The following SAMD4B variants were observed in gnomAD, a reference collection of about 807,000 sequenced individuals.
SAMD4B encodes sterile alpha motif domain containing 4B.
In SAMD4B, 5 loss-of-function variants were observed where a neutral mutation model predicts 74.5. The observed-to-expected ratio is 0.07, with a 90% confidence interval of 0.04 to 0.14. The LOEUF is 0.14. Ranked by LOEUF, SAMD4B falls within the 10% of genes least tolerant of loss-of-function variation. SAMD4B has a pLI of 1.00. For missense variants in SAMD4B, 608 were observed against 921.8 expected, an observed-to-expected ratio of 0.66 and a Z score of 4.41; for synonymous variants, 373 against 374.9, an observed-to-expected ratio of 1.00 and a Z score of 0.06.
At chr19:39,389,034 G>A, downstream of SAMD4B, 1 of 1,613,878 alleles carries the variant, frequency 6.2e-7, no homozygotes, top group Non-Finnish European at 8.5e-7. This position sits in a 1 kb window ranked among gnomAD's most constrained non-coding sequence, Gnocchi z 5.3. Context: ...ACAAAAACAA[G>A]GTGAGGAGGA....
At position 39,377,724 on chromosome 19, in the gene SAMD4B, A is replaced by G; in HGVS notation, c.1344A>G (p.Pro448=). Residue 448 remains proline (P), a synonymous_variant, in exon 8 of 14, where the codon CCA becomes CCG. Transcript: ENST00000610417. ...AKDPPAVENY[P]PPPAPAPTDG... is the part of the protein sequence containing the mutation. ...ACCCTCCAGCTGTGGAGAACTACCC[A>G]CCTCCACCAGCTCCAGCTCCCACTG... 1.2e-6 allele frequency: 2 copies of G among 1,614,084 alleles called. No homozygotes were observed. The highest frequency in any genetic ancestry group is 8.5e-7 in the Non-Finnish European group (1 of 1,179,986).
At chr19:39,347,482 C>T (rs567201754) in intron 1 of SAMD4B, among the ~76,000 whole-genome samples, 4 of 152,194 alleles carry the variant, frequency 2.6e-5, no homozygotes, top group Non-Finnish European at 5.9e-5. Flanking sequence ...CCACTGTCCC[C>T]CAGCCGCAGT....
Position 39,371,830 on chromosome 19 carries a change from C to A in SAMD4B, c.667+1705C>A, listed in dbSNP as rs1019560884. ...AGACCCCATCTCAAAAAAAAAAAAA[C>A]AAAAACACACATCGAGTGCTTAGTC... On this transcript the variant is annotated intron_variant, in intron 4 of 13. Coordinates refer to ENST00000610417, the MANE Select transcript of SAMD4B (RefSeq NM_001384574.2). Among the ~76,000 whole-genome samples, 215 of 147,886 alleles carry A rather than the reference C, an allele frequency of 1.5e-3. 1 individual carries two copies. The highest frequency in any genetic ancestry group is 6.3e-3 in the East Asian group (32 of 5,100).
chr19:39,387,360 CTGTA>C (rs547463560), downstream of SAMD4B: 1 of 176,680 alleles, frequency 5.7e-6, no homozygotes, highest in Non-Finnish European at 1.2e-5. Context: ...CAGTGCATTA[CTGTA>C]TGTGTCAGTT....
At position 39,375,545 on chromosome 19, in the gene SAMD4B, C is replaced by T; in HGVS notation, c.668-105C>T. ...TGGACCCCAGGTCCCTTCCTCTTGG[C>T]AGGTTATGGGGCCAAACTGCCATCC... On this transcript the variant is annotated intron_variant, in intron 4 of 13. Coordinates refer to ENST00000610417, the MANE Select transcript of SAMD4B (RefSeq NM_001384574.2). The surrounding 1 kb of genome is among the most constrained non-coding windows in gnomAD (Gnocchi z 4.1). The T allele has an allele frequency of 1.4e-6, 2 of 1,444,676 alleles. No homozygotes were observed. The highest frequency in any genetic ancestry group is 1.3e-5 in the South Asian group (1 of 75,108). 89.5% of individuals were successfully genotyped at this position (1,444,676 alleles called of 1,614,324 possible).
In SAMD4B at chr19:39,370,269, A is replaced by G. The variant is rs1368433523; in HGVS notation, c.667+144A>G. ...TTATGAGGCAATGCAGAGGCTGTGA[A>G]CTGGCTTTCCCAGAGCTGAATCTGA... On this transcript the variant is annotated intron_variant, in intron 4 of 13. Coordinates refer to ENST00000610417, the MANE Select transcript of SAMD4B (RefSeq NM_001384574.2). 8 of 787,850 alleles carry G rather than the reference A, an allele frequency of 1.0e-5. No individual in the cohort carries two copies. In the Admixed American group the frequency reaches 1.7e-4, roughly 17 times the overall value. The allele number at this position is 787,850 out of a possible 1,614,324, so 48.8% of individuals were successfully genotyped here.
At chr19:39,348,645 G>A (rs1040185586) in intron 1 of SAMD4B, among the ~76,000 whole-genome samples, 2 of 152,162 alleles carry the variant, frequency 1.3e-5, no homozygotes, top group African/African-American at 4.8e-5. Context: ...CTATTAGAAG[G>A]GAGTTTTTAA....
chr19:39,368,974 C>T (rs978773322), intron 3 of SAMD4B, among the ~76,000 whole-genome samples: 2 of 152,062 alleles, frequency 1.3e-5, no homozygotes, highest in East Asian at 1.9e-4. Flanking sequence ...TGCTTTTTGG[C>T]AGGGGAAATG....
At position 39,369,646 on chromosome 19, in the gene SAMD4B, C is replaced by T. The variant is rs1338557967; in HGVS notation, c.197-9C>T. ...GCTCTCCTGATATTTCTTCTTATCC[C>T]TTCTGTAGCCATCGTCAGCCAGTGG... On this transcript the variant is annotated splice_polypyrimidine_tract_variant and intron_variant, in intron 3 of 13. Transcript: ENST00000610417. 1 of 1,612,320 alleles carries T rather than the reference C, an allele frequency of 6.2e-7. No individual in the cohort carries two copies. The highest frequency in any genetic ancestry group is 8.5e-7 in the Non-Finnish European group (1 of 1,178,916).
chr19:39,359,557 ATCATTCCGTAT>A (rs1043809310), intron 3 of SAMD4B, among the ~76,000 whole-genome samples: 5 of 152,190 alleles, frequency 3.3e-5, no homozygotes, highest in African/African-American at 1.2e-4. Context: ...TGATTTGAAG[ATCATTCCGTAT>A]TCAGCACATA....
chr19:39,347,076 A>C (rs1407596080), intron 1 of SAMD4B, among the ~76,000 whole-genome samples: 5 of 152,182 alleles, frequency 3.3e-5, no homozygotes, highest in Admixed American at 2.6e-4. Flanking sequence ...GTGGGGGATT[A>C]ATTGGCTTTT....
Position 39,384,021 on chromosome 19 carries a change from G to C in SAMD4B, c.*494G>C, listed in dbSNP as rs931624154. On this transcript the variant is annotated 3_prime_UTR_variant, in exon 14 of 14. Transcript: ENST00000610417. ...GGGAGAAGGAAGGGGAGCAAGGAGA[G>C]GAAGCTCTCTCTCCTCTCCCTGCTT... 10 of 403,260 alleles carry C rather than the reference G, an allele frequency of 2.5e-5. No individual in the cohort carries two copies. The highest frequency in any genetic ancestry group is 4.4e-5 in the Non-Finnish European group (10 of 225,092). 25.0% of individuals were successfully genotyped at this position (403,260 alleles called of 1,614,324 possible). A position where few individuals can be genotyped will look rare whatever the true frequency, so the allele number is the denominator to read the frequency against.
intron 12 of SAMD4B, among the ~76,000 whole-genome samples, chr19:39,382,810 AG>A (rs1176908553): frequency 6.6e-6 from 1 of 152,144 alleles, no homozygotes; most frequent in Non-Finnish European, 1.5e-5. Flanking sequence ...GTTTTGATTT[AG>A]CTTTTGCACC....
chr19:39,357,353 G>A (rs2076392516), intron 3 of SAMD4B, among the ~76,000 whole-genome samples: 1 of 152,166 alleles, frequency 6.6e-6, no homozygotes, highest in Admixed American at 6.5e-5. Context: ...ATGTAGAGTG[G>A]CTTATGTGGG....
chr19:39,381,073 G>A lies in SAMD4B; in HGVS notation c.1932G>A (p.Pro644=), dbSNP rs572937625. The A allele has an allele frequency of 2.4e-5, 39 of 1,612,746 alleles. No homozygotes were observed. The highest frequency in any genetic ancestry group is 2.0e-4 in the East Asian group (9 of 44,864). Residue 644 remains proline, a synonymous_variant, in exon 12 of 14, where the codon CCG becomes CCA. Transcript: ENST00000610417. The part of the protein sequence containing the change: ...RSSVQRTHSL[P]VHSSPQAILM... The stretch of plus-strand genomic sequence containing the variant: ...CTGTGCAGCGCACCCACTCGCTCCC[G>A]GTCCACTCGTCACCCCAGGCCATTC...
At chr19:39,385,843 G>A (rs2078233934), downstream of SAMD4B, 21 of 1,181,670 alleles carry the variant, frequency 1.8e-5, no homozygotes, top group Non-Finnish European at 2.3e-5. Context: ...TAGGGGCTGG[G>A]AGGGGAAGTA....
chr19:39,388,956 T>C, downstream of SAMD4B: 1 of 1,614,136 alleles, frequency 6.2e-7, no homozygotes, highest in Non-Finnish European at 8.5e-7. Context: ...CCTTAAAGTC[T>C]GGGAAGACAG....
In SAMD4B at chr19:39,375,587, G is replaced by A. The variant is rs897565026; in HGVS notation, c.668-63G>A. ...CTGCCATCCTGGCACTGACGGCAGGGGGATGGTCTCCTGTGGTTGGGTCCC... is the reference window on the plus strand; with the variant it reads ...CTGCCATCCTGGCACTGACGGCAGGAGGATGGTCTCCTGTGGTTGGGTCCC... On this transcript the variant is annotated intron_variant, in intron 4 of 13. Transcript: ENST00000610417. The surrounding 1 kb of genome is among the most constrained non-coding windows in gnomAD (Gnocchi z 4.1). 6.4e-7 allele frequency: 1 copy of A among 1,563,372 alleles called. No individual in the cohort carries two copies. The highest frequency in any genetic ancestry group is 8.7e-7 in the Non-Finnish European group (1 of 1,147,326).
Position 39,375,548 on chromosome 19 carries a change from G to T in SAMD4B, c.668-102G>T. 2.0e-6 allele frequency: 3 copies of T among 1,471,420 alleles called. No individual in the cohort carries two copies. The Admixed American group carries it at 6.0e-5, about 30-fold the overall frequency. 91.1% of individuals were successfully genotyped at this position (1,471,420 alleles called of 1,614,324 possible). On this transcript the variant is annotated intron_variant, in intron 4 of 13. Coordinates refer to ENST00000610417, the MANE Select transcript of SAMD4B (RefSeq NM_001384574.2). This position sits in a 1 kb window ranked among gnomAD's most constrained non-coding sequence, Gnocchi z 4.1. ...ACCCCAGGTCCCTTCCTCTTGGCAG[G>T]TTATGGGGCCAAACTGCCATCCTGG...
Sources: gnomAD v4.1 joint callset for allele counts (sites outside exome capture counted in the v4.1 genomes callset) on GRCh38, gnomAD v4.1.1 for gene constraint, Gnocchi (gnomAD v3.1) non-coding constraint, MANE v1.5 for transcripts, NCBI Gene and HGNC (gene_info 2026-07-23, HGNC 2026-07-21) for gene names.